ANKS1A: variants seen among roughly 807,000 people sequenced by gnomAD.
The protein encoded by ANKS1A is ankyrin repeat and sterile alpha motif domain containing 1A, also known as ankyrin repeat and SAM domain-containing protein 1A.
Under a neutral mutation model 120.3 loss-of-function variants are expected in ANKS1A, and 55 were observed. The ratio of observed to expected loss-of-function variants is 0.46; its 90% CI spans 0.37 to 0.57. The LOEUF (loss-of-function observed/expected upper bound fraction) is 0.57, where lower values mean the gene tolerates loss of function less well. Among genes scored for constraint, ANKS1A ranks in the 20% least tolerant of loss-of-function variants. The probability of loss-of-function intolerance (pLI) is 0.00; values close to 1 mark genes in which losing one functional copy is unlikely to be tolerated. For synonymous variants in ANKS1A, 590 were observed against 604.7 expected (o/e 0.98, Z 0.36); for missense variants, 1,123 against 1,480.3 (o/e 0.76, Z 3.96).
At chr6:34,955,216 G>A (rs1770297711) in intron 1 of ANKS1A, among the ~76,000 whole-genome samples, 2 of 151,058 alleles carry the variant, frequency 1.3e-5, no homozygotes, top group African/African-American at 4.9e-5. Flanking sequence ...GGCTCACTGT[G>A]ACCTCCACCT....
Position 35,082,727 on chromosome 6 carries a change from C to T in ANKS1A, c.2746C>T (p.Pro916Ser), listed in dbSNP as rs757688619. 6.2e-7 allele frequency: 1 copy of T among 1,612,818 alleles called. No homozygotes were observed. The highest frequency in any genetic ancestry group is 8.5e-7 in the Non-Finnish European group (1 of 1,179,466). ...HREAKLTLRP[P>S]SLAAPYAPVQ... The stretch of plus-strand genomic sequence containing the variant: ...TGAGGCCAAGCTGACCCTGCGGCCC[C>T]CGAGCCTGGCAGCCCCCTACGCCCC... The change falls in exon 18 of 24, where the codon CCG becomes TCG. Residue 916 changes from proline (P) to serine (S), a missense_variant. By Grantham distance (74) the Pro-to-Ser change is moderately conservative (BLOSUM62 -1). Around this residue, in one of 3 missense-constraint regions of ANKS1A, gnomAD observed 904 missense variants for 1,130.4 expected, o/e 0.80. Coordinates refer to ENST00000360359, the MANE Select transcript of ANKS1A (RefSeq NM_015245.3). This position sits in a 1 kb window ranked among gnomAD's most constrained non-coding sequence, Gnocchi z 4.1.
chr6:35,013,979 A>C (rs116205991), intron 10 of ANKS1A, among the ~76,000 whole-genome samples: 1,576 of 152,304 alleles, frequency 0.01, 26 homozygotes, highest in African/African-American at 0.035. Flanking sequence ...CACGGTTCTT[A>C]ATGCATTACA....
At chr6:35,056,089 G>C (rs56213928) in intron 12 of ANKS1A, among the ~76,000 whole-genome samples, 1 of 152,200 alleles carries the variant, frequency 6.6e-6, no homozygotes, top group Admixed American at 6.5e-5. Context: ...TGTCCAAGGA[G>C]CAGGAGCCAA....
intron 11 of ANKS1A, chr6:35,039,800 C>T (rs1775365721): frequency 3.2e-6 from 1 of 311,244 alleles, no homozygotes; most frequent in South Asian, 2.7e-5. Context: ...TATTAGGAAG[C>T]TCAGGCTTCT....
chr6:34,993,384 A>T (rs141886183), intron 9 of ANKS1A, among the ~76,000 whole-genome samples: 5 of 152,316 alleles, frequency 3.3e-5, no homozygotes, highest in Admixed American at 1.3e-4. Context: ...AGCTGGTCAA[A>T]GCCTTACAGT....
At chr6:35,065,719 G>A (rs1776739360) in intron 13 of ANKS1A, among the ~76,000 whole-genome samples, 1 of 152,242 alleles carries the variant, frequency 6.6e-6, no homozygotes, top group Non-Finnish European at 1.5e-5. Context: ...GGCCCATCAG[G>A]CTGGGTGAGT....
chr6:34,981,761 A>G lies in ANKS1A; in HGVS notation c.507A>G (p.Leu169=). The G allele has an allele frequency of 6.2e-7, 1 of 1,614,186 alleles. No individual in the cohort carries two copies. The highest frequency in any genetic ancestry group is 8.5e-7 in the Non-Finnish European group (1 of 1,180,036). The change falls in exon 4 of 24, where the codon TTA becomes TTG. Residue 169 remains leucine, a synonymous_variant. Coordinates refer to ENST00000360359, the MANE Select transcript of ANKS1A (RefSeq NM_015245.3). ...ACACAGAGGTGGTGAAGGTGCTCTT[A>G]GAGGAGCTGACGGACCCCACCATGC... ...YGHTEVVKVL[L]EELTDPTMRN... is the part of the protein sequence containing the mutation.
intron 1 of ANKS1A, among the ~76,000 whole-genome samples, chr6:34,890,305 T>C (rs1180779434): frequency 2.6e-5 from 4 of 152,206 alleles, no homozygotes; most frequent in African/African-American, 9.6e-5. Flanking sequence ...TTGGCCAGGC[T>C]GGTCTCGAAC....
intron 11 of ANKS1A, among the ~76,000 whole-genome samples, chr6:35,037,922 A>G (rs1775263266): frequency 6.6e-6 from 1 of 151,922 alleles, no homozygotes. Flanking sequence ...AAGAGAAGGG[A>G]GAGGGTACTG....
rs1777761590 is a variant in ANKS1A, at chr6:35,082,807, T to C, written c.2826T>C (p.Tyr942=). ...PEKLIFESCG[Y]EANYLGSMLI... Reference sequence around the variant, plus strand: ...AACTCATCTTCGAGTCCTGTGGTTATGAAGCCAATGTGAGTTGCTCCCACC... The same window carrying C: ...AACTCATCTTCGAGTCCTGTGGTTACGAAGCCAATGTGAGTTGCTCCCACC... Residue 942 remains tyrosine, a synonymous_variant, in exon 18 of 24, where the codon TAT becomes TAC. Transcript: ENST00000360359. The surrounding 1 kb of genome is among the most constrained non-coding windows in gnomAD (Gnocchi z 4.1). 1.9e-6 allele frequency: 3 copies of C among 1,613,390 alleles called. No individual in the cohort carries two copies. The highest frequency in any genetic ancestry group is 4.5e-5 in the East Asian group (2 of 44,864).
At chr6:34,992,116 A>G (rs116503152) in intron 9 of ANKS1A, among the ~76,000 whole-genome samples, 1,792 of 152,312 alleles carry the variant, frequency 0.012, 28 homozygotes, top group African/African-American at 0.037. Context: ...GAAGAAAATG[A>G]GGCCATACTG....
At chr6:35,076,801 T>G (rs971777516) in intron 13 of ANKS1A, among the ~76,000 whole-genome samples, 4 of 151,956 alleles carry the variant, frequency 2.6e-5, no homozygotes, top group African/African-American at 9.7e-5. Context: ...GGCTAATTTT[T>G]TGTATTTTTA....
At chr6:35,069,739 G>T (rs931773109) in intron 13 of ANKS1A, among the ~76,000 whole-genome samples, 1 of 151,620 alleles carries the variant, frequency 6.6e-6, no homozygotes, top group Non-Finnish European at 1.5e-5. Flanking sequence ...AAGAGACTGG[G>T]TGTCAGTCCG....
At chr6:34,907,625 T>C (rs964986731) in intron 1 of ANKS1A, among the ~76,000 whole-genome samples, 3 of 152,202 alleles carry the variant, frequency 2.0e-5, no homozygotes, top group African/African-American at 7.2e-5. Context: ...AAGGGGAAGC[T>C]GGGTGAAAGG....
At chr6:34,928,057 A>C (rs990464020) in intron 1 of ANKS1A, among the ~76,000 whole-genome samples, 1 of 152,154 alleles carries the variant, frequency 6.6e-6, no homozygotes, top group Non-Finnish European at 1.5e-5. Flanking sequence ...AGTGGCTACT[A>C]TTCAACCTTA....
At position 34,981,150 on chromosome 6, in the gene ANKS1A, C is replaced by A. The variant is rs765899139; in HGVS notation, c.436-540C>A. ...AATGGCTTTTGGCTGATACCTTGAG[C>A]GATTTTTAGTCTGCTCTGTTACTTT... On this transcript the variant is annotated intron_variant, in intron 3 of 23. Coordinates refer to ENST00000360359, the MANE Select transcript of ANKS1A (RefSeq NM_015245.3). Among the ~76,000 whole-genome samples the A allele has an allele frequency of 3.3e-4, 50 of 152,096 alleles. 1 individual carries two copies. Among genetic ancestry groups the A allele is most frequent in the Admixed American group, 6.5e-4 (10 of 15,270 alleles).
chr6:34,989,414 A>G, intron 9 of ANKS1A, 98 bp downstream of exon 9: 1 of 1,078,232 alleles, frequency 9.3e-7, no homozygotes, highest in Non-Finnish European at 1.4e-6. Flanking sequence ...TCATCTTCTC[A>G]TCAGCTCTTT....
chr6:34,893,375 G>C (rs1211203043), intron 1 of ANKS1A, among the ~76,000 whole-genome samples: 2 of 152,072 alleles, frequency 1.3e-5, no homozygotes, highest in Non-Finnish European at 2.9e-5. Context: ...GGGCTCAAAC[G>C]ATCTTCCTGC....
intron 11 of ANKS1A, among the ~76,000 whole-genome samples, chr6:35,024,845 G>A (rs1774530622): frequency 6.6e-6 from 1 of 152,190 alleles, no homozygotes; most frequent in African/African-American, 2.4e-5. Context: ...GCAAAAAGAA[G>A]AATGTAAAAT....
Sources: gnomAD v4.1 joint callset for allele counts (sites outside exome capture counted in the v4.1 genomes callset) on GRCh38, gnomAD v4.1.1 for gene constraint, gnomAD v4.1.1 regional missense constraint, Gnocchi (gnomAD v3.1) non-coding constraint, MANE v1.5 for transcripts, NCBI Gene and HGNC (gene_info 2026-07-23, HGNC 2026-07-21) for gene names.